CNTNAP5: variants seen among roughly 807,000 people sequenced by gnomAD.
The protein encoded by CNTNAP5 is contactin-associated protein-like 5.
CNTNAP5 carries 72 observed loss-of-function variants against 150.2 expected under a neutral mutation model. The ratio of observed to expected loss-of-function variants is 0.48; its 90% CI spans 0.40 to 0.58. CNTNAP5 has a LOEUF of 0.58. CNTNAP5 is among the 20% of genes least tolerant of loss of function. The pLI is 0.00. For missense variants in CNTNAP5, 1,636 were observed against 1,626.2 expected (o/e 1.01, Z -0.10); for synonymous variants, 672 against 619.8 (o/e 1.08, Z -1.25).
chr2:124,556,173 T>C (rs4848244), intron 10 of CNTNAP5, among the ~76,000 whole-genome samples: 149,249 of 152,256 alleles, frequency 0.98, 73,235 homozygotes, highest in East Asian at 1. Context: ...TGCAGTGCTC[T>C]AGAGTACAGG....
At chr2:124,081,282 A>C (rs2104674789) in intron 1 of CNTNAP5, among the ~76,000 whole-genome samples, 1 of 152,282 alleles carries the variant, frequency 6.6e-6, no homozygotes, top group East Asian at 1.9e-4. Flanking sequence ...AACACTCTTT[A>C]TGACTAAGAG....
intron 1 of CNTNAP5, among the ~76,000 whole-genome samples, chr2:124,110,120 C>G (rs1048640449): frequency 6.6e-6 from 1 of 152,198 alleles, no homozygotes; most frequent in Non-Finnish European, 1.5e-5. Context: ...CAATCATTTG[C>G]AGATTTGCAG....
At chr2:124,225,547 T>G (rs1253500537) in intron 2 of CNTNAP5, among the ~76,000 whole-genome samples, 2 of 152,200 alleles carry the variant, frequency 1.3e-5, no homozygotes, top group Non-Finnish European at 2.9e-5. Context: ...GATGATTTGA[T>G]AGGTATGCAT....
At chr2:124,274,116 A>C (rs1687825848) in intron 3 of CNTNAP5, among the ~76,000 whole-genome samples, 1 of 152,214 alleles carries the variant, frequency 6.6e-6, no homozygotes, top group East Asian at 1.9e-4. Flanking sequence ...ATTCAAAATT[A>C]TCAGTTAGCT....
intron 3 of CNTNAP5, among the ~76,000 whole-genome samples, chr2:124,316,766 C>T (rs1478603059): frequency 2.3e-5 from 3 of 128,846 alleles, no homozygotes; most frequent in Non-Finnish European, 4.6e-5. Context: ...GATCATGCCA[C>T]TGCACTCCAG....
chr2:124,317,440 G>T (rs1422728258), intron 3 of CNTNAP5, among the ~76,000 whole-genome samples: 9 of 152,186 alleles, frequency 5.9e-5, no homozygotes, highest in Non-Finnish European at 7.4e-5. Flanking sequence ...AGACCACTTT[G>T]CTTGCCACTT....
chr2:124,448,964 T>A (rs1008533433), intron 6 of CNTNAP5, among the ~76,000 whole-genome samples: 1 of 152,242 alleles, frequency 6.6e-6, no homozygotes, highest in East Asian at 1.9e-4. Context: ...TGTGTGTTCC[T>A]GTGTCCCACC....
intron 13 of CNTNAP5, among the ~76,000 whole-genome samples, chr2:124,670,408 A>G (rs1678797464): frequency 6.6e-6 from 1 of 152,068 alleles, no homozygotes; most frequent in Non-Finnish European, 1.5e-5. Flanking sequence ...TTGACCTTGT[A>G]TAATTGAGTT....
At chr2:124,884,087 T>A (rs1251966852) in intron 21 of CNTNAP5, among the ~76,000 whole-genome samples, 2 of 152,110 alleles carry the variant, frequency 1.3e-5, no homozygotes, top group African/African-American at 4.8e-5. Flanking sequence ...CTGTCATGTA[T>A]GTCTGTGTGC....
At chr2:124,779,318 G>T (rs1681399033) in intron 17 of CNTNAP5, among the ~76,000 whole-genome samples, 1 of 152,206 alleles carries the variant, frequency 6.6e-6, no homozygotes, top group Admixed American at 6.5e-5. Flanking sequence ...GGACTGTGCT[G>T]GGCTGATGTT....
At chr2:124,838,027 C>G (rs1049381349) in intron 19 of CNTNAP5, among the ~76,000 whole-genome samples, 2 of 152,028 alleles carry the variant, frequency 1.3e-5, no homozygotes, top group Non-Finnish European at 2.9e-5. Flanking sequence ...CACAGAGGAT[C>G]AAGCCTAAGC....
intron 1 of CNTNAP5, among the ~76,000 whole-genome samples, chr2:124,161,431 G>C (rs1454549892): frequency 6.6e-6 from 1 of 152,068 alleles, no homozygotes; most frequent in African/African-American, 2.4e-5. Context: ...AAGAGAAGTT[G>C]GTAGCCTTGC....
In CNTNAP5 at chr2:124,764,052, G is replaced by A. The variant is rs772249803; in HGVS notation, c.2438G>A (p.Ser813Asn). 1.9e-6 allele frequency: 3 copies of A among 1,613,268 alleles called. No homozygotes were observed. Among genetic ancestry groups the A allele is most frequent in the South Asian group, 2.2e-5 (2 of 91,068 alleles). ...LHFPTFHAEF[S>N]ADISFFFKTT... Reference sequence around the variant, plus strand: ...TTTCCTACCTTCCATGCGGAATTCAGTGCCGATATTTCCTTCTTTTTTAAA... The same window carrying A: ...TTTCCTACCTTCCATGCGGAATTCAATGCCGATATTTCCTTCTTTTTTAAA... The change falls in exon 16 of 24, where the codon AGT (serine) becomes AAT (asparagine). Residue 813 changes from serine to asparagine, a missense_variant. Ser to Asn is a conservative substitution (Grantham distance 46). Coordinates refer to ENST00000682447, the MANE Select transcript of CNTNAP5 (RefSeq NM_001367498.1).
chr2:124,660,677 G>A lies in CNTNAP5; in HGVS notation c.2077+12719G>A, dbSNP rs567420157. Among the ~76,000 whole-genome samples, 7 of 152,080 alleles carry A rather than the reference G, an allele frequency of 4.6e-5. No individual in the cohort carries two copies. In the South Asian group the frequency reaches 1.5e-3, roughly 32 times the overall value. The stretch of plus-strand genomic sequence containing the variant: ...CATTTACAGCACATTTTAATTCACA[G>A]CCTGTTGCTGTACTGAATACTGTAG... On this transcript the variant is annotated intron_variant, in intron 13 of 23. Transcript: ENST00000682447.
chr2:124,402,721 C>T (rs79529491), intron 3 of CNTNAP5, among the ~76,000 whole-genome samples: 6,772 of 152,204 alleles, frequency 0.044, 203 homozygotes, highest in Non-Finnish European at 0.069. Flanking sequence ...CGCTATTAAA[C>T]GACAAGTAGA....
At chr2:124,465,031 A>G (rs1468381244) in intron 6 of CNTNAP5, among the ~76,000 whole-genome samples, 1 of 152,202 alleles carries the variant, frequency 6.6e-6, no homozygotes, top group Non-Finnish European at 1.5e-5. Flanking sequence ...TCTTTAGAAC[A>G]GGAAGACTCC....
chr2:124,409,030 G>T (rs1691673355), intron 3 of CNTNAP5, among the ~76,000 whole-genome samples: 1 of 138,404 alleles, frequency 7.2e-6, no homozygotes, highest in Non-Finnish European at 1.6e-5. Context: ...CCAATACAGA[G>T]AAGTGCTTAA....
At chr2:124,097,144 CT>C (rs1350613898) in intron 1 of CNTNAP5, among the ~76,000 whole-genome samples, 2 of 152,130 alleles carry the variant, frequency 1.3e-5, no homozygotes, top group African/African-American at 2.4e-5. Flanking sequence ...ATATTATCTC[CT>C]CAGATTCTCA....
intron 4 of CNTNAP5, among the ~76,000 whole-genome samples, chr2:124,433,425 T>C (rs1692441485): frequency 6.6e-6 from 1 of 152,218 alleles, no homozygotes; most frequent in African/African-American, 2.4e-5. Flanking sequence ...TTTCAGATCC[T>C]CAGATTCACA....
Sources: gnomAD v4.1 joint callset for allele counts (sites outside exome capture counted in the v4.1 genomes callset) on GRCh38, gnomAD v4.1.1 for gene constraint, MANE v1.5 for transcripts, NCBI Gene and HGNC (gene_info 2026-07-23, HGNC 2026-07-21) for gene names.